Variants in CFAP96 observed in about 807,000 individuals in gnomAD.
CFAP96 encodes the protein cilia-and flagella-associated protein 96.
At chr4:185,445,589 C>T in the CFAP96 span, 1 of 1,182,182 alleles carries the variant, frequency 8.5e-7, no homozygotes, top group East Asian at 2.4e-5. Flanking sequence ...GCCAACATAA[C>T]TATAATGCTT....
At chr4:185,443,913 A>T in the CFAP96 span, among the ~76,000 whole-genome samples, 4 of 117,192 alleles carry the variant, frequency 3.4e-5, no homozygotes, top group East Asian at 2.7e-4. Flanking sequence ...ACTTATAACT[A>T]TATCTTTCTT....
chr4:185,408,530 T>TA, the CFAP96 span: 2 of 1,275,052 alleles, frequency 1.6e-6, no homozygotes, highest in South Asian at 2.8e-5. Context: ...TTCTTAGAGT[T>TA]AGACTGTTAC....
the CFAP96 span, among the ~76,000 whole-genome samples, chr4:185,409,384 C>T: frequency 6.6e-6 from 1 of 151,938 alleles, no homozygotes; most frequent in Non-Finnish European, 1.5e-5. Flanking sequence ...GAGATTGGGT[C>T]ACACTATGTT....
At chr4:185,412,546 G>T in the CFAP96 span, among the ~76,000 whole-genome samples, 154 of 152,278 alleles carry the variant, frequency 1.0e-3, 1 homozygote, top group African/African-American at 3.7e-3. Flanking sequence ...TGAACTGAGA[G>T]GTGCAGAGTT....
chr4:185,410,378 G>C, the CFAP96 span, among the ~76,000 whole-genome samples: 1 of 152,248 alleles, frequency 6.6e-6, no homozygotes. Context: ...GTCCAGGCAC[G>C]GTGGCTCATG....
At chr4:185,441,191 A>G in the CFAP96 span, among the ~76,000 whole-genome samples, 2 of 152,106 alleles carry the variant, frequency 1.3e-5, no homozygotes, top group Non-Finnish European at 2.9e-5. Context: ...AAGCCAAACC[A>G]TCTTTTAGTT....
chr4:185,436,651 A>T, the CFAP96 span, among the ~76,000 whole-genome samples: 3 of 151,782 alleles, frequency 2.0e-5, no homozygotes, highest in African/African-American at 7.3e-5. Context: ...CGGAGGTTGC[A>T]GTGAGCCAAG....
the CFAP96 span, among the ~76,000 whole-genome samples, chr4:185,427,160 C>T: frequency 6.6e-6 from 1 of 152,152 alleles, no homozygotes; most frequent in Non-Finnish European, 1.5e-5. Context: ...GCTTGTGTGC[C>T]GGGAGCTGCG....
chr4:185,425,841 G>C, the CFAP96 span: 28 of 1,601,806 alleles, frequency 1.7e-5, no homozygotes, highest in Non-Finnish European at 2.2e-5. Flanking sequence ...AAACACAGGG[G>C]TCGGTGACGA....
the CFAP96 span, among the ~76,000 whole-genome samples, chr4:185,412,461 C>G: frequency 6.6e-6 from 1 of 152,082 alleles, no homozygotes; most frequent in Non-Finnish European, 1.5e-5. Flanking sequence ...AAGATTTCCT[C>G]AAAAGTCCTG....
chr4:185,414,814 C>T, the CFAP96 span, among the ~76,000 whole-genome samples: 4 of 152,212 alleles, frequency 2.6e-5, no homozygotes, highest in South Asian at 4.1e-4. Flanking sequence ...TTTCACAAAT[C>T]GGAAAGTTAT....
the CFAP96 span, among the ~76,000 whole-genome samples, chr4:185,442,136 G>T: frequency 6.6e-6 from 1 of 151,936 alleles, no homozygotes; most frequent in Admixed American, 6.6e-5. Context: ...ATATTTAATA[G>T]TAAGTGGTCA....
At chr4:185,446,631 A>C in the CFAP96 span, among the ~76,000 whole-genome samples, 4 of 152,200 alleles carry the variant, frequency 2.6e-5, no homozygotes, top group Admixed American at 2.0e-4. Context: ...TTTTATGTTG[A>C]GAGTTTGCAA....
the CFAP96 span, among the ~76,000 whole-genome samples, chr4:185,409,101 A>G: frequency 6.6e-6 from 1 of 152,160 alleles, no homozygotes; most frequent in Admixed American, 6.5e-5. Context: ...CGGTTAATAT[A>G]AATGCTGCTG....
chr4:185,436,409 C>G, the CFAP96 span: 1 of 1,326,402 alleles, frequency 7.5e-7, no homozygotes. Flanking sequence ...TTAGCTAACT[C>G]GATATTAATA....
chr4:185,443,921 CTTTTTTT>C, the CFAP96 span, among the ~76,000 whole-genome samples: 13 of 82,796 alleles, frequency 1.6e-4, no homozygotes, highest in Non-Finnish European at 2.1e-4. Flanking sequence ...CTATATCTTT[CTTTTTTT>C]TTTTTTTTTT....
At chr4:185,428,476 G>A in the CFAP96 span, among the ~76,000 whole-genome samples, 1 of 151,368 alleles carries the variant, frequency 6.6e-6, no homozygotes, top group Non-Finnish European at 1.5e-5. Flanking sequence ...GGTGGCTGAG[G>A]CAGGAGAATC....
At chr4:185,418,588 G>T in the CFAP96 span, 3 of 1,612,614 alleles carry the variant, frequency 1.9e-6, no homozygotes, top group Non-Finnish European at 2.5e-6. Flanking sequence ...CATACTCACT[G>T]AATAAAGCGC....
At chr4:185,444,917 GA>G in the CFAP96 span, 2 of 1,504,522 alleles carry the variant, frequency 1.3e-6, no homozygotes, top group South Asian at 2.5e-5. Flanking sequence ...TAATTTTGTA[GA>G]GGCATTTTAC....
Sources: gnomAD v4.1 joint callset for allele counts (sites outside exome capture counted in the v4.1 genomes callset) on GRCh38, gnomAD v4.1.1 for gene constraint, MANE v1.5 for transcripts, NCBI Gene and HGNC (gene_info 2026-07-23, HGNC 2026-07-21) for gene names.